The following JAK2 variants were observed in gnomAD, a reference collection of about 807,000 sequenced individuals.
JAK2 encodes the protein tyrosine-protein kinase JAK2.
In JAK2, 86 loss-of-function variants were observed where a neutral mutation model predicts 139.3. The observed-to-expected ratio is 0.62, with a 90% confidence interval of 0.52 to 0.74. JAK2 has a LOEUF of 0.74. Ranked by LOEUF, JAK2 falls within the 30% of genes least tolerant of loss-of-function variation. The probability of loss-of-function intolerance (pLI) is 0.00; values close to 1 mark genes in which losing one functional copy is unlikely to be tolerated. For synonymous variants in JAK2, 490 were observed against 437.7 expected, an observed-to-expected ratio of 1.12 and a Z score of -1.49; for missense variants, 1,421 against 1,360.3, an observed-to-expected ratio of 1.04 and a Z score of -0.70.
At chr9:5,031,446 A>G (rs925604555) in intron 4 of JAK2, among the ~76,000 whole-genome samples, 15 of 152,234 alleles carry the variant, frequency 9.9e-5, no homozygotes, top group African/African-American at 3.6e-4. Context: ...TAATATGAAG[A>G]AATCTTTTCA....
At chr9:5,078,159 A>C in intron 15 of JAK2, 147 bp from the exon 16 acceptor site, 2 of 574,420 alleles carry the variant, frequency 3.5e-6, no homozygotes, top group Non-Finnish European at 6.0e-6. Flanking sequence ...AGGAGTCATA[A>C]ATTTCCTTTT....
chr9:5,005,302 A>G (rs574277828), intron 2 of JAK2, among the ~76,000 whole-genome samples: 1 of 151,246 alleles, frequency 6.6e-6, no homozygotes, highest in East Asian at 1.9e-4. Context: ...TTTTTAAATC[A>G]GGTTATTTGT....
chr9:4,984,819 C>T (rs931661685), upstream of JAK2: 1 of 152,274 alleles, frequency 6.6e-6, no homozygotes, highest in African/African-American at 2.4e-5. Flanking sequence ...ACACACCCGC[C>T]CATCTAGTGA....
intron 3 of JAK2, among the ~76,000 whole-genome samples, chr9:5,027,841 C>T (rs888277990): frequency 1.3e-5 from 2 of 152,206 alleles, no homozygotes; most frequent in Non-Finnish European, 2.9e-5. Flanking sequence ...CGTGAGATTA[C>T]AGCAATTCAG....
chr9:5,085,321 A>G (rs571925127), intron 19 of JAK2: 46 of 774,206 alleles, frequency 5.9e-5, no homozygotes, highest in South Asian at 3.3e-4. Flanking sequence ...TACATCATCT[A>G]TTAGCTGAAA....
intron 22 of JAK2, chr9:5,098,880 G>C (rs556431238): frequency 3.9e-5 from 6 of 152,198 alleles, no homozygotes; most frequent in Admixed American, 3.3e-4. Flanking sequence ...ATTTTTAGTA[G>C]AGACGGGGTT....
At position 5,044,528 on chromosome 9, in the gene JAK2, T is replaced by A; in HGVS notation, c.468+8T>A. 2 of 1,443,088 alleles carry A rather than the reference T, an allele frequency of 1.4e-6. No homozygotes were observed. Among genetic ancestry groups the A allele is most frequent in the Non-Finnish European group, 1.9e-6 (2 of 1,039,060 alleles). 89.4% of individuals were successfully genotyped at this position (1,443,088 alleles called of 1,614,324 possible). A position where few individuals can be genotyped will look rare whatever the true frequency, so the allele number is the denominator to read the frequency against. ...TCTTACCTCTTTGCTCAGGTATGAT[T>A]ATATTATCTTACTTGTACATGAGTT... On this transcript the variant is annotated splice_region_variant and intron_variant, in intron 5 of 24. Coordinates refer to ENST00000381652, the MANE Select transcript of JAK2 (RefSeq NM_004972.4).
intron 19 of JAK2, chr9:5,086,206 C>G (rs1445636918): frequency 1.7e-6 from 1 of 587,748 alleles, no homozygotes; most frequent in Non-Finnish European, 2.2e-6. Context: ...GCCCCCGCCA[C>G]CAGCGCGAGG....
intron 2 of JAK2, among the ~76,000 whole-genome samples, chr9:5,013,433 A>G (rs1411680265): frequency 2.6e-5 from 4 of 152,234 alleles, no homozygotes; most frequent in Non-Finnish European, 5.9e-5. Context: ...ATTAAAGGTA[A>G]ACATTTAAAT....
Position 5,126,757 on chromosome 9 carries a change from G to A in JAK2, c.3365G>A (p.Arg1122Gln), listed in dbSNP as rs775495966. The stretch of plus-strand genomic sequence containing the variant: ...CCCTCCTTTAGGGATCTAGCTCTTC[G>A]AGTGGATCAAATAAGGGATAACATG... ...QRPSFRDLAL[R>Q]VDQIRDNMAG The change falls in exon 25 of 25, where the codon CGA (arginine) becomes CAA (glutamine). Residue 1122 changes from arginine to glutamine, a missense_variant. Physicochemically the swap from Arg to Gln is conservative, Grantham distance 43 (BLOSUM62 1). Coordinates refer to ENST00000381652, the MANE Select transcript of JAK2 (RefSeq NM_004972.4). The A allele has an allele frequency of 4.3e-6, 7 of 1,610,108 alleles. No individual in the cohort carries two copies. The highest frequency in any genetic ancestry group is 2.2e-5 in the East Asian group (1 of 44,800).
At position 5,050,742 on chromosome 9, in the gene JAK2, G is replaced by A. The variant is rs150675431; in HGVS notation, c.525G>A (p.Gln175=). The A allele has an allele frequency of 1.6e-5, 26 of 1,613,880 alleles. No homozygotes were observed. In the East Asian group the frequency reaches 2.9e-4, roughly 18 times the overall value. Residue 175 remains glutamine (Q), a synonymous_variant, in exon 6 of 25, where the codon CAG becomes CAA. Coordinates refer to ENST00000381652, the MANE Select transcript of JAK2 (RefSeq NM_004972.4). ...WIKVPVTHET[Q]EECLGMAVLD... is the part of the protein sequence containing the mutation. ...AAGTACCTGTGACTCATGAAACACAGGAAGAATGTCTTGGGATGGCAGTGT... is the reference window on the plus strand; with the variant it reads ...AAGTACCTGTGACTCATGAAACACAAGAAGAATGTCTTGGGATGGCAGTGT...
chr9:5,112,570 C>G, intron 22 of JAK2: 1 of 658,344 alleles, frequency 1.5e-6, no homozygotes, highest in East Asian at 2.9e-5. Flanking sequence ...CAGGGAGCGG[C>G]TGCGGGTCCC....
rs2130853154 is a variant in JAK2 at position 5,123,045 on chromosome 9, C to T, written c.3101C>T (p.Ala1034Val). The T allele has an allele frequency of 6.2e-7, 1 of 1,611,516 alleles. No individual in the cohort carries two copies. The highest frequency in any genetic ancestry group is 8.5e-7 in the Non-Finnish European group (1 of 1,178,414). ...CTGACAGAGAGCAAGTTTTCTGTGG[C>T]CTCAGATGTTTGGAGCTTTGGAGTG... ...ESLTESKFSV[A>V]SDVWSFGVVL... Residue 1034 changes from alanine to valine, a missense_variant, in exon 23 of 25, where the codon GCC becomes GTC. Ala to Val is a moderately conservative substitution (Grantham distance 64). Transcript: ENST00000381652.
At chr9:5,095,287 A>G (rs909807589) in intron 22 of JAK2, among the ~76,000 whole-genome samples, 2 of 151,794 alleles carry the variant, frequency 1.3e-5, no homozygotes, top group African/African-American at 4.8e-5. Flanking sequence ...CCTCATCACA[A>G]TGCTACGCTC....
intron 22 of JAK2, among the ~76,000 whole-genome samples, chr9:5,121,905 G>GGAATT (rs572006744): frequency 4.5e-4 from 68 of 152,152 alleles, no homozygotes; most frequent in African/African-American, 1.5e-3. Flanking sequence ...AAGGAGTGAG[G>GGAATT]GAATAGTGCT....
chr9:5,089,196 G>GAGAT (rs1820365913), intron 19 of JAK2, among the ~76,000 whole-genome samples: 1 of 152,220 alleles, frequency 6.6e-6, no homozygotes, highest in East Asian at 1.9e-4. Context: ...CCCACCTGTT[G>GAGAT]AGATAGTATT....
intron 3 of JAK2, among the ~76,000 whole-genome samples, chr9:5,026,793 ATTCTC>A (rs1387583848): frequency 6.6e-6 from 1 of 152,144 alleles, no homozygotes; most frequent in Non-Finnish European, 1.5e-5. Context: ...TGGTTTAGGT[ATTCTC>A]TTGGTTTTTT....
chr9:5,118,948 C>T (rs544824422), intron 22 of JAK2, among the ~76,000 whole-genome samples: 22 of 152,234 alleles, frequency 1.4e-4, no homozygotes, highest in Admixed American at 1.1e-3. Context: ...TACCAAAAAG[C>T]TTTTAAAATT....
intron 22 of JAK2, among the ~76,000 whole-genome samples, chr9:5,105,436 C>G (rs1235713471): frequency 6.6e-6 from 1 of 152,184 alleles, no homozygotes; most frequent in Admixed American, 6.5e-5. Flanking sequence ...AATGGAAGAA[C>G]ATTCCATGCT....
Sources: gnomAD v4.1 joint callset for allele counts (sites outside exome capture counted in the v4.1 genomes callset) on GRCh38, gnomAD v4.1.1 for gene constraint, MANE v1.5 for transcripts, NCBI Gene and HGNC (gene_info 2026-07-23, HGNC 2026-07-21) for gene names.